The following MAPKAP1 variants were observed in gnomAD, a reference collection of about 807,000 sequenced individuals.
The protein encoded by MAPKAP1 is target of rapamycin complex 2 subunit MAPKAP1.
Under a neutral mutation model 65.7 loss-of-function variants are expected in MAPKAP1, and 20 were observed. The ratio of observed to expected loss-of-function variants is 0.30; its 90% CI spans 0.21 to 0.44. The LOEUF (loss-of-function observed/expected upper bound fraction) is 0.44, where lower values mean the gene tolerates loss of function less well. Among genes scored for constraint, MAPKAP1 ranks in the 20% least tolerant of loss-of-function variants. The pLI is 1.00. For missense variants in MAPKAP1, 423 were observed against 648.0 expected, an observed-to-expected ratio of 0.65 and a Z score of 3.77; for synonymous variants, 222 against 244.3, an observed-to-expected ratio of 0.91 and a Z score of 0.85.
At chr9:125,536,585 T>TATTTATTC (rs150930718) in intron 7 of MAPKAP1, among the ~76,000 whole-genome samples, 38 of 151,612 alleles carry the variant, frequency 2.5e-4, no homozygotes, top group Admixed American at 1.6e-3. Context: ...ATTTTCCATT[T>TATTTATTC]ATTCATTCAT....
In MAPKAP1 at chr9:125,437,993, T is replaced by C; in HGVS notation, c.*894A>G. 1 of 180,948 alleles carries C rather than the reference T, an allele frequency of 5.5e-6. No individual in the cohort carries two copies. The highest frequency in any genetic ancestry group is 1.4e-4 in the East Asian group (1 of 7,234). 11.2% of individuals were successfully genotyped at this position (180,948 alleles called of 1,614,324 possible). ...TGCTTGAAAAAGGAGGCAGGCGCTG[T>C]AAGGAGAAGAGGAATGGGGAATGTG... On this transcript the variant is annotated 3_prime_UTR_variant, in exon 12 of 12. Coordinates refer to ENST00000265960, the MANE Select transcript of MAPKAP1 (RefSeq NM_001006617.3).
chr9:125,592,377 A>C (rs944387573), intron 4 of MAPKAP1, among the ~76,000 whole-genome samples: 1 of 152,174 alleles, frequency 6.6e-6, no homozygotes, highest in African/African-American at 2.4e-5. Flanking sequence ...GTTCCCTCTG[A>C]GACACGGGAT....
chr9:125,694,888 C>T (rs189039279), intron 1 of MAPKAP1, among the ~76,000 whole-genome samples: 1 of 152,292 alleles, frequency 6.6e-6, no homozygotes, highest in East Asian at 1.9e-4. Flanking sequence ...AAACATTTAG[C>T]ATATTCTTAT....
chr9:125,439,261 C>T lies in MAPKAP1; in HGVS notation c.1444-249G>A, dbSNP rs894760543. On this transcript the variant is annotated intron_variant, in intron 11 of 11. Transcript: ENST00000265960. The surrounding 1 kb of genome is among the most constrained non-coding windows in gnomAD (Gnocchi z 4.0). ...TCCAGGCTTCCCAGTCAGTGAGCGG[C>T]GAGCTCTTCAGGTTCCGGAGCCCAT... 3.9e-5 allele frequency among the ~76,000 whole-genome samples: 6 copies of T among 152,226 alleles called. No individual in the cohort carries two copies. The highest frequency in any genetic ancestry group is 7.3e-5 in the Non-Finnish European group (5 of 68,028).
intron 7 of MAPKAP1, among the ~76,000 whole-genome samples, chr9:125,507,089 G>A (rs554961276): frequency 6.6e-6 from 1 of 152,320 alleles, no homozygotes; most frequent in East Asian, 1.9e-4. Context: ...AAACATTTAT[G>A]AAAACACGAG....
chr9:125,632,221 C>CAAAAA (rs760249534), intron 4 of MAPKAP1, among the ~76,000 whole-genome samples: 2 of 6,902 alleles, frequency 2.9e-4, no homozygotes. Context: ...GACTCCGTCT[C>CAAAAA]AAAGAAAAAA....
At chr9:125,677,102 T>C (rs1277123821) in intron 1 of MAPKAP1, among the ~76,000 whole-genome samples, 1 of 152,212 alleles carries the variant, frequency 6.6e-6, no homozygotes, top group Middle Eastern at 3.2e-3. Flanking sequence ...AGGCCTTGAA[T>C]GCCTTCCCTG....
chr9:125,698,209 A>G (rs1027699046), intron 1 of MAPKAP1, among the ~76,000 whole-genome samples: 2 of 144,976 alleles, frequency 1.4e-5, no homozygotes, highest in Non-Finnish European at 1.5e-5. Context: ...GTGTATATAT[A>G]TGTGTGTGTA....
At chr9:125,597,063 C>A (rs1039134547) in intron 4 of MAPKAP1, among the ~76,000 whole-genome samples, 16 of 150,824 alleles carry the variant, frequency 1.1e-4, no homozygotes, top group Admixed American at 7.3e-4. Flanking sequence ...GAGATCGAGA[C>A]CATCCTGGCT....
chr9:125,598,333 CA>C (rs1564575913), intron 4 of MAPKAP1, among the ~76,000 whole-genome samples: 1 of 152,154 alleles, frequency 6.6e-6, no homozygotes, highest in Non-Finnish European at 1.5e-5. Flanking sequence ...TACCTGTAGT[CA>C]AATTAATTTG....
intron 7 of MAPKAP1, among the ~76,000 whole-genome samples, chr9:125,541,528 GC>G (rs1830247963): frequency 6.6e-6 from 1 of 152,166 alleles, no homozygotes; most frequent in African/African-American, 2.4e-5. Flanking sequence ...AAGGGTGAAT[GC>G]CTACTAAATA....
intron 1 of MAPKAP1, among the ~76,000 whole-genome samples, chr9:125,704,399 C>T (rs1306443961): frequency 1.3e-5 from 2 of 152,162 alleles, no homozygotes; most frequent in Non-Finnish European, 1.5e-5. Flanking sequence ...TCAGTGTTTC[C>T]TTCTCAGTGT....
At chr9:125,491,506 G>A (rs368167946) in intron 8 of MAPKAP1, among the ~76,000 whole-genome samples, 71 of 152,148 alleles carry the variant, frequency 4.7e-4, no homozygotes, top group Non-Finnish European at 9.1e-4. Context: ...GCCAGGCATG[G>A]TGGCTCACCC....
chr9:125,556,896 C>T (rs2133205027), intron 6 of MAPKAP1, among the ~76,000 whole-genome samples: 1 of 152,308 alleles, frequency 6.6e-6, no homozygotes, highest in Non-Finnish European at 1.5e-5. Flanking sequence ...ACTATTTCAT[C>T]AGACGACTGA....
intron 4 of MAPKAP1, among the ~76,000 whole-genome samples, chr9:125,615,720 C>G (rs1422741883): frequency 3.3e-5 from 5 of 152,122 alleles, no homozygotes; most frequent in African/African-American, 1.2e-4. Context: ...CAAGATCAGC[C>G]TGGCCAACAT....
At chr9:125,502,847 ATGTATTTGC>A in intron 8 of MAPKAP1, among the ~76,000 whole-genome samples, 1 of 152,200 alleles carries the variant, frequency 6.6e-6, no homozygotes, top group Non-Finnish European at 1.5e-5. Context: ...TTTTTAAAAA[ATGTATTTGC>A]TGTTTCAATT....
intron 7 of MAPKAP1, among the ~76,000 whole-genome samples, chr9:125,525,666 T>C (rs1452299528): frequency 7.2e-6 from 1 of 139,050 alleles, no homozygotes; most frequent in African/African-American, 2.7e-5. Context: ...AGAGCAAAAC[T>C]CCATCTCAAA....
intron 7 of MAPKAP1, among the ~76,000 whole-genome samples, chr9:125,537,958 A>T (rs1047376244): frequency 6.6e-6 from 1 of 152,130 alleles, no homozygotes; most frequent in Non-Finnish European, 1.5e-5. Flanking sequence ...CATGGCCTTG[A>T]GTGCCCAGGG....
chr9:125,681,690 C>T (rs896326313), intron 1 of MAPKAP1, among the ~76,000 whole-genome samples: 6 of 152,192 alleles, frequency 3.9e-5, no homozygotes, highest in African/African-American at 1.4e-4. Flanking sequence ...CCTAGGGGAG[C>T]CACCTACAGT....
Sources: gnomAD v4.1 joint callset for allele counts (sites outside exome capture counted in the v4.1 genomes callset) on GRCh38, gnomAD v4.1.1 for gene constraint, Gnocchi (gnomAD v3.1) non-coding constraint, MANE v1.5 for transcripts, NCBI Gene and HGNC (gene_info 2026-07-23, HGNC 2026-07-21) for gene names.